GYG1: variants seen among roughly 807,000 people sequenced by gnomAD.
GYG1 encodes the protein glycogenin-1.
A neutral mutation model predicts 41.9 loss-of-function variants in GYG1; 44 were observed. The ratio of observed to expected loss-of-function variants is 1.05; its 90% CI spans 0.83 to 1.35. The LOEUF (loss-of-function observed/expected upper bound fraction) is 1.35, where lower values mean the gene tolerates loss of function less well. GYG1 is among the 40% of genes most tolerant of loss of function. The pLI, the probability that GYG1 is intolerant of heterozygous loss-of-function variation, is 0.00. For synonymous variants in GYG1, 141 were observed against 158.1 expected, an observed-to-expected ratio of 0.89 and a Z score of 0.81; for missense variants, 429 against 418.9, an observed-to-expected ratio of 1.02 and a Z score of -0.21.
chr3:149,014,914 G>A (rs1460672687), intron 5 of GYG1, among the ~76,000 whole-genome samples: 1 of 150,048 alleles, frequency 6.7e-6, no homozygotes, highest in Non-Finnish European at 1.5e-5. Flanking sequence ...TCTCAAATCT[G>A]TGGGCCCCAG....
At chr3:148,998,552 A>G (rs1047121547) in intron 4 of GYG1, among the ~76,000 whole-genome samples, 1 of 152,228 alleles carries the variant, frequency 6.6e-6, no homozygotes, top group Non-Finnish European at 1.5e-5. Flanking sequence ...TATCTGAACC[A>G]TAATGTATGG....
In GYG1 at chr3:149,031,740, G is replaced by C. The variant is rs1275508839; in HGVS notation, c.*4807G>C. 4 of 152,144 alleles carry C rather than the reference G, an allele frequency of 2.6e-5. No individual in the cohort carries two copies. The East Asian group carries it at 7.7e-4, about 29-fold the overall frequency. The allele number at this position is 152,144 out of a possible 1,614,324, so 9.4% of individuals were successfully genotyped here. On this transcript the variant is annotated 3_prime_UTR_variant, in exon 8 of 8. Transcript: ENST00000345003. ...AGATTTGGTTCTGGAATGCAAATAT[G>C]GTTTTTGAAAGCCCAATAAAATTAA... is the stretch of plus-strand genomic sequence containing the variant.
At chr3:149,016,260 C>CAAAAAAAAAAAAAAAAAA (rs369746026) in intron 5 of GYG1, among the ~76,000 whole-genome samples, 2 of 70,060 alleles carry the variant, frequency 2.9e-5, no homozygotes, top group Non-Finnish European at 5.5e-5. Flanking sequence ...GACTCCGTCT[C>CAAAAAAAAAAAAAAAAAA]AAAAAAAAAA....
At chr3:149,021,548 A>G (rs1045780987) in intron 5 of GYG1, among the ~76,000 whole-genome samples, 1 of 152,176 alleles carries the variant, frequency 6.6e-6, no homozygotes, top group Non-Finnish European at 1.5e-5. Context: ...GTAGGATGGT[A>G]AGTGCTCATG....
At chr3:149,025,804 T>C (rs1325733583) in intron 6 of GYG1, among the ~76,000 whole-genome samples, 2 of 152,148 alleles carry the variant, frequency 1.3e-5, no homozygotes, top group African/African-American at 4.8e-5. Context: ...GAAAGTACCT[T>C]TTATGGCAGG....
At chr3:149,006,737 C>G (rs1039247819) in intron 4 of GYG1, among the ~76,000 whole-genome samples, 1 of 152,184 alleles carries the variant, frequency 6.6e-6, no homozygotes, top group Non-Finnish European at 1.5e-5. Context: ...AACCGATTGG[C>G]AGTATTTTGA....
At position 149,028,264 on chromosome 3, in the gene GYG1, T is replaced by A. The variant is rs1714757608; in HGVS notation, c.*1331T>A. Reference sequence around the variant, plus strand: ...ATTAATATACAAGCATATAGACAGCTTAAGTCAAGAATGGTTGGGGCCACC... The same window carrying A: ...ATTAATATACAAGCATATAGACAGCATAAGTCAAGAATGGTTGGGGCCACC... On this transcript the variant is annotated 3_prime_UTR_variant, in exon 8 of 8. Coordinates refer to ENST00000345003, the MANE Select transcript of GYG1 (RefSeq NM_004130.4). Among the ~76,000 whole-genome samples, 1 of 152,190 alleles carries A rather than the reference T, an allele frequency of 6.6e-6. No homozygotes were observed. Among genetic ancestry groups the A allele is most frequent in the Non-Finnish European group, 1.5e-5 (1 of 68,032 alleles).
rs1478241400 is a variant in GYG1, at chr3:149,006,198, T to G, written c.482-3078T>G. ...CCCGGGTTCCAGCTGTTCTTCTGCC[T>G]CAGCCTCCCAAGTAGCTGGAACTAT... On this transcript the variant is annotated intron_variant, in intron 4 of 7. Coordinates refer to ENST00000345003, the MANE Select transcript of GYG1 (RefSeq NM_004130.4). 2.0e-5 allele frequency among the ~76,000 whole-genome samples: 3 copies of G among 149,648 alleles called. No homozygotes were observed. The Admixed American group carries it at 2.0e-4, about 10-fold the overall frequency.
rs1714862959 is a variant in GYG1 at position 149,029,901 on chromosome 3, T to C, written c.*2968T>C. Among the ~76,000 whole-genome samples, 1 of 152,234 alleles carries C rather than the reference T, an allele frequency of 6.6e-6. No individual in the cohort carries two copies. The highest frequency in any genetic ancestry group is 6.5e-5 in the Admixed American group (1 of 15,286). On this transcript the variant is annotated 3_prime_UTR_variant, in exon 8 of 8. Coordinates refer to ENST00000345003, the MANE Select transcript of GYG1 (RefSeq NM_004130.4). ...AGATGAAGAAATTAATTGGGACCAA[T>C]GTTTTTAGATCAAGGCATTTTAAAT...
chr3:149,021,458 G>A (rs1714371050), intron 5 of GYG1, among the ~76,000 whole-genome samples: 2 of 152,164 alleles, frequency 1.3e-5, no homozygotes, highest in South Asian at 4.1e-4. Context: ...ACCGTGGAAT[G>A]ATCAATTAAC....
intron 1 of GYG1, 69 bp downstream of exon 1, chr3:148,991,716 C>A: frequency 8.3e-7 from 1 of 1,206,904 alleles, no homozygotes; most frequent in Non-Finnish European, 1.2e-6. Context: ...CGCCTCCCTT[C>A]TCCTCCGCCC....
At chr3:149,020,760 GC>G (rs1714325263) in intron 5 of GYG1, among the ~76,000 whole-genome samples, 1 of 152,108 alleles carries the variant, frequency 6.6e-6, no homozygotes, top group Non-Finnish European at 1.5e-5. Context: ...TTAAGTCTAG[GC>G]AAATCATGGG....
chr3:148,993,874 G>A (rs1712633828), intron 1 of GYG1, among the ~76,000 whole-genome samples: 1 of 152,186 alleles, frequency 6.6e-6, no homozygotes, highest in Non-Finnish European at 1.5e-5. Context: ...TTAAGCTATT[G>A]TTTTGTCTGA....
rs1023299931 is a variant in GYG1, at chr3:149,030,026, T to A, written c.*3093T>A. 4 of 152,214 alleles carry A rather than the reference T, an allele frequency of 2.6e-5. No homozygotes were observed. The highest frequency in any genetic ancestry group is 9.6e-5 in the African/African-American group (4 of 41,472). The allele number at this position is 152,214 out of a possible 1,614,324, so 9.4% of individuals were successfully genotyped here. A position where few individuals can be genotyped will look rare whatever the true frequency, so the allele number is the denominator to read the frequency against. ...CATTATTCTGTTACAGTAATCTTCA[T>A]GTACTCTCAAAAAAATGTAACACTT... On this transcript the variant is annotated 3_prime_UTR_variant, in exon 8 of 8. Transcript: ENST00000345003.
rs2107933210 is a variant in GYG1 at position 149,031,226 on chromosome 3, C to T, written c.*4293C>T. 1 of 152,554 alleles carries T rather than the reference C, an allele frequency of 6.6e-6. No homozygotes were observed. Among genetic ancestry groups the T allele is most frequent in the Non-Finnish European group, 1.5e-5 (1 of 67,974 alleles). The allele number at this position is 152,554 out of a possible 1,614,324, so 9.5% of individuals were successfully genotyped here. A position where few individuals can be genotyped will look rare whatever the true frequency, so the allele number is the denominator to read the frequency against. On this transcript the variant is annotated 3_prime_UTR_variant, in exon 8 of 8. Coordinates refer to ENST00000345003, the MANE Select transcript of GYG1 (RefSeq NM_004130.4). ...GCTGTAAGGATGAATTACTCAAGTT[C>T]AAAATCAAATTCTGATTCTAAACAC...
Position 148,991,639 on chromosome 3 carries a change from C to T in GYG1, c.-2C>T. 3 of 1,550,390 alleles carry T rather than the reference C, an allele frequency of 1.9e-6. No homozygotes were observed. Among genetic ancestry groups the T allele is most frequent in the Non-Finnish European group, 2.6e-6 (3 of 1,156,770 alleles). The stretch of plus-strand genomic sequence containing the variant: ...CCGGCCGCCTGCGCACCCGGCAGCA[C>T]CATGACAGGTACCGCCGCGCAGCCC... On this transcript the variant is annotated 5_prime_UTR_variant, in exon 1 of 8. Coordinates refer to ENST00000345003, the MANE Select transcript of GYG1 (RefSeq NM_004130.4).
chr3:149,007,877 G>C (rs1161259657), intron 4 of GYG1: 2 of 152,020 alleles, frequency 1.3e-5, no homozygotes, highest in Admixed American at 6.5e-5. Context: ...CTGGTTCTGA[G>C]TGTGTTTTCT....
At chr3:148,993,255 C>T (rs943808145) in intron 1 of GYG1, among the ~76,000 whole-genome samples, 3 of 139,098 alleles carry the variant, frequency 2.2e-5, no homozygotes, top group African/African-American at 8.2e-5. Context: ...CATGTATTTA[C>T]CTTCTCTTCT....
chr3:148,994,030 T>G, intron 1 of GYG1, 112 bp from the exon 2 acceptor site: 3 of 900,820 alleles, frequency 3.3e-6, no homozygotes, highest in South Asian at 1.4e-5. Context: ...ATAGAGAAAG[T>G]TGATGTTAGA....
Sources: gnomAD v4.1 joint callset for allele counts (sites outside exome capture counted in the v4.1 genomes callset) on GRCh38, gnomAD v4.1.1 for gene constraint, MANE v1.5 for transcripts, NCBI Gene and HGNC (gene_info 2026-07-23, HGNC 2026-07-21) for gene names.